RAB38: variants seen among roughly 807,000 people sequenced by gnomAD.
RAB38 encodes the protein RAB38, member RAS oncogene family.
RAB38 carries 15 observed loss-of-function variants against 18.4 expected under a neutral mutation model. The ratio of observed to expected loss-of-function variants is 0.82; its 90% confidence interval spans 0.55 to 1.26. RAB38 has a LOEUF of 1.26. RAB38 is among the 50% of genes most tolerant of loss of function. RAB38 has a pLI of 0.00. For synonymous variants in RAB38, 101 were observed against 104.4 expected (o/e 0.97, Z 0.20); for missense variants, 294 against 267.4 (o/e 1.10, Z -0.69).
At chr11:87,970,081 A>T in the RAB38 span, among the ~76,000 whole-genome samples, 15 of 152,260 alleles carry the variant, frequency 9.9e-5, no homozygotes, top group African/African-American at 3.1e-4. Context: ...TGGAAAAGTC[A>T]GGCAAAATGG....
the RAB38 span, among the ~76,000 whole-genome samples, chr11:87,973,240 G>T: frequency 6.6e-6 from 1 of 151,986 alleles, no homozygotes; most frequent in African/African-American, 2.4e-5. Context: ...CTCCACAGAA[G>T]TAAGAGAACA....
At chr11:87,936,981 A>G in the RAB38 span, among the ~76,000 whole-genome samples, 1 of 151,958 alleles carries the variant, frequency 6.6e-6, no homozygotes, top group Non-Finnish European at 1.5e-5. Context: ...TTGCCTTACT[A>G]CAATGGCGAG....
the RAB38 span, among the ~76,000 whole-genome samples, chr11:87,959,535 C>G: frequency 6.6e-6 from 1 of 152,146 alleles, no homozygotes; most frequent in Admixed American, 6.5e-5. Flanking sequence ...CTATAAGTAT[C>G]TATTTTACTA....
At chr11:87,908,330 G>T in the RAB38 span, among the ~76,000 whole-genome samples, 1 of 151,934 alleles carries the variant, frequency 6.6e-6, no homozygotes, top group African/African-American at 2.4e-5. Context: ...CACAGAAGGG[G>T]TTTGTACTTA....
chr11:88,021,345 G>C, the RAB38 span, among the ~76,000 whole-genome samples: 3 of 152,000 alleles, frequency 2.0e-5, no homozygotes, highest in Non-Finnish European at 4.4e-5. Flanking sequence ...AGATGAAATA[G>C]ATAAATTCCT....
At chr11:87,878,823 A>C in the RAB38 span, among the ~76,000 whole-genome samples, 2 of 151,724 alleles carry the variant, frequency 1.3e-5, no homozygotes, top group Admixed American at 6.6e-5. Context: ...GGAGAGAAAA[A>C]TGTGACTTTG....
the RAB38 span, among the ~76,000 whole-genome samples, chr11:87,948,084 G>A: frequency 6.6e-5 from 10 of 152,252 alleles, no homozygotes; most frequent in East Asian, 1.9e-3. Flanking sequence ...GCAGTGGTTT[G>A]TAGTTCTCCT....
At chr11:87,817,390 T>C in the RAB38 span, 15 of 152,166 alleles carry the variant, frequency 9.9e-5, no homozygotes, top group African/African-American at 3.4e-4. Flanking sequence ...CCTGTAGTTT[T>C]ATAGATTAAA....
At chr11:87,806,968 GC>G in the RAB38 span, among the ~76,000 whole-genome samples, 1 of 152,168 alleles carries the variant, frequency 6.6e-6, no homozygotes, top group East Asian at 1.9e-4. Flanking sequence ...TAGGAACCAG[GC>G]TGCACACCAG....
chr11:87,957,397 G>GA, the RAB38 span, among the ~76,000 whole-genome samples: 142,332 of 150,990 alleles, frequency 0.94, 67,126 homozygotes, highest in East Asian at 0.98. Context: ...CAGATTAACA[G>GA]AAAAAAAAAC....
At chr11:87,850,405 C>T in the RAB38 span, among the ~76,000 whole-genome samples, 1 of 151,982 alleles carries the variant, frequency 6.6e-6, no homozygotes, top group Non-Finnish European at 1.5e-5. Flanking sequence ...GACAGTGTTG[C>T]TTTTTGTAAT....
the RAB38 span, among the ~76,000 whole-genome samples, chr11:87,885,922 TTTTC>T: frequency 1.3e-5 from 2 of 151,988 alleles, no homozygotes; most frequent in Non-Finnish European, 2.9e-5. Context: ...CTCATAGTTC[TTTTC>T]TTTCTTTTCT....
the RAB38 span, among the ~76,000 whole-genome samples, chr11:88,024,819 A>T: frequency 6.6e-6 from 1 of 152,158 alleles, no homozygotes; most frequent in African/African-American, 2.4e-5. Flanking sequence ...AAACGATTGA[A>T]CTCATGGAGA....
the RAB38 span, among the ~76,000 whole-genome samples, chr11:87,810,702 G>A: frequency 1.3e-5 from 2 of 151,914 alleles, no homozygotes; most frequent in Non-Finnish European, 2.9e-5. Context: ...TAGCATACAT[G>A]TAGATAGCAA....
chr11:87,879,091 G>A, the RAB38 span, among the ~76,000 whole-genome samples: 3 of 148,926 alleles, frequency 2.0e-5, no homozygotes, highest in African/African-American at 7.4e-5. Context: ...CTGGTCGTTT[G>A]CTTTGCTTTT....
the RAB38 span, among the ~76,000 whole-genome samples, chr11:87,952,677 A>ACTATGTCCT: frequency 6.6e-6 from 1 of 152,224 alleles, no homozygotes. Flanking sequence ...GGACATGGTC[A>ACTATGTCCT]CTATGTCCTG....
the RAB38 span, among the ~76,000 whole-genome samples, chr11:87,960,023 C>CA: frequency 6.6e-6 from 1 of 152,152 alleles, no homozygotes; most frequent in Admixed American, 6.6e-5. Context: ...ACACTGTACA[C>CA]ATTACAAAGG....
chr11:88,026,562 CAAAAAA>C, the RAB38 span, among the ~76,000 whole-genome samples: 17 of 54,242 alleles, frequency 3.1e-4, 1 homozygote, highest in Admixed American at 1.0e-3. Flanking sequence ...GACTCTGTCA[CAAAAAA>C]AAAAAAAAAA....
the RAB38 span, among the ~76,000 whole-genome samples, chr11:87,919,758 A>G: frequency 6.6e-6 from 1 of 151,982 alleles, no homozygotes; most frequent in Non-Finnish European, 1.5e-5. Context: ...GAGAATTTTT[A>G]TTATTGATTT....
Sources: allele counts gnomAD v4.1 joint callset (sites outside exome capture counted in the v4.1 genomes callset), GRCh38; gene constraint gnomAD v4.1.1; transcripts MANE v1.5; gene names NCBI Gene and HGNC (gene_info 2026-07-23, HGNC 2026-07-21).